Variants in SPAG1 observed in about 807,000 individuals in gnomAD.
SPAG1 encodes the protein sperm associated antigen 1.
Under a neutral mutation model 100.5 loss-of-function variants are expected in SPAG1, and 69 were observed. That is an observed-to-expected ratio of 0.69 (90% CI 0.57 to 0.84). The LOEUF (loss-of-function observed/expected upper bound fraction) is 0.84, where lower values mean the gene tolerates loss of function less well. Ranked by LOEUF, SPAG1 falls within the 40% of genes least tolerant of loss-of-function variation. The probability of loss-of-function intolerance (pLI) is 0.00; values close to 1 mark genes in which losing one functional copy is unlikely to be tolerated. For synonymous variants in SPAG1, 336 were observed against 411.6 expected, an observed-to-expected ratio of 0.82 and a Z score of 2.22; for missense variants, 955 against 1,133.1, an observed-to-expected ratio of 0.84 and a Z score of 2.26.
chr8:100,180,227 A>G (rs1816308857), intron 4 of SPAG1, among the ~76,000 whole-genome samples: 1 of 152,032 alleles, frequency 6.6e-6, no homozygotes, highest in Non-Finnish European at 1.5e-5. Context: ...AGTTCTATCT[A>G]TTCAGGAGAC....
At chr8:100,173,258 C>G (rs1470131142) in intron 3 of SPAG1, among the ~76,000 whole-genome samples, 2 of 151,946 alleles carry the variant, frequency 1.3e-5, no homozygotes, top group African/African-American at 2.4e-5. Flanking sequence ...GTCTAGAACT[C>G]TTGTTGGCCA....
chr8:100,204,421 G>T (rs1184164771), intron 10 of SPAG1, among the ~76,000 whole-genome samples: 1 of 152,116 alleles, frequency 6.6e-6, no homozygotes, highest in Admixed American at 6.5e-5. Flanking sequence ...TGGGATAATG[G>T]TGGAAAGAAC....
chr8:100,224,247 A>T (rs1399939403), intron 13 of SPAG1, among the ~76,000 whole-genome samples: 1 of 152,152 alleles, frequency 6.6e-6, no homozygotes, highest in Non-Finnish European at 1.5e-5. Context: ...ATCTTTATTC[A>T]TATGAAAAGA....
chr8:100,159,820 A>T (rs1480649712), intron 1 of SPAG1, among the ~76,000 whole-genome samples: 2 of 152,232 alleles, frequency 1.3e-5, no homozygotes, highest in Admixed American at 1.3e-4. Context: ...TCACTGGTAC[A>T]GTGGTTAAGT....
chr8:100,165,603 G>A, intron 2 of SPAG1: 2 of 485,192 alleles, frequency 4.1e-6, no homozygotes, highest in South Asian at 3.1e-5. Context: ...ATGAAAATTG[G>A]TTACTTTGGA....
At chr8:100,218,721 T>C (rs543382917) in intron 12 of SPAG1, among the ~76,000 whole-genome samples, 3 of 152,350 alleles carry the variant, frequency 2.0e-5, no homozygotes, top group Admixed American at 6.5e-5. Flanking sequence ...AAATTGGTTA[T>C]TTTTTCAGAG....
Position 100,213,181 on chromosome 8 carries a change from C to A in SPAG1, c.1188C>A (p.Gly396=). The A allele has an allele frequency of 1.4e-6, 2 of 1,469,956 alleles. No individual in the cohort carries two copies. Among genetic ancestry groups the A allele is most frequent in the Non-Finnish European group, 1.8e-6 (2 of 1,116,464 alleles). The allele number at this position is 1,469,956 out of a possible 1,614,324, so 91.1% of individuals were successfully genotyped here. A position where few individuals can be genotyped will look rare whatever the true frequency, so the allele number is the denominator to read the frequency against. The change falls in exon 11 of 19, where the codon GGC becomes GGA. Residue 396 remains glycine, a synonymous_variant. Coordinates refer to ENST00000388798, the MANE Select transcript of SPAG1 (RefSeq NM_003114.5). ...AGCTGACTGGCAAAGCCGAAGGCGGCAAGCGGCCGGCAAGGGGCGCGCCGC... is the reference window on the plus strand; with the variant it reads ...AGCTGACTGGCAAAGCCGAAGGCGGAAAGCGGCCGGCAAGGGGCGCGCCGC... ...QKKLTGKAEG[G]KRPARGAPQR...
Position 100,213,380 on chromosome 8 carries a change from G to T in SPAG1, c.1387G>T (p.Glu463Ter). The T allele has an allele frequency of 6.9e-7, 1 of 1,450,540 alleles. No individual in the cohort carries two copies. The highest frequency in any genetic ancestry group is 3.0e-5 in the East Asian group (1 of 33,272). 89.9% of individuals were successfully genotyped at this position (1,450,540 alleles called of 1,614,324 possible). A position where few individuals can be genotyped will look rare whatever the true frequency, so the allele number is the denominator to read the frequency against. Residue 463 changes from glutamate to a stop codon, truncating the protein, a stop_gained, in exon 11 of 19, where the codon GAG (glutamate) becomes TAG (stop). Transcript: ENST00000388798. LOFTEE classifies it high-confidence loss of function. ...NELFRSGQFAEAAGKYSAAIA... is the reference protein window; with the variant it reads ...NELFRSGQFA The stretch of plus-strand genomic sequence containing the variant: ...GCTGTTCCGAAGCGGGCAGTTCGCC[G>T]AGGCGGCCGGCAAGTACTCGGCGGC...
intron 8 of SPAG1, among the ~76,000 whole-genome samples, chr8:100,189,852 C>T (rs1371462443): frequency 6.6e-6 from 1 of 152,074 alleles, no homozygotes; most frequent in Non-Finnish European, 1.5e-5. Flanking sequence ...GTAGCAATAG[C>T]AATAGCTAAA....
chr8:100,225,119 G>A lies in SPAG1; in HGVS notation c.1689-54G>A, dbSNP rs986655209. Reference sequence around the variant, plus strand: ...AATTTTATTCTTAATCTGACCTTCAGTAATATAAAAAGCAAACTAAATGAT... The same window carrying A: ...AATTTTATTCTTAATCTGACCTTCAATAATATAAAAAGCAAACTAAATGAT... On this transcript the variant is annotated intron_variant, in intron 13 of 18. Coordinates refer to ENST00000388798, the MANE Select transcript of SPAG1 (RefSeq NM_003114.5). 2.2e-5 allele frequency: 32 copies of A among 1,450,654 alleles called. No homozygotes were observed. The Admixed American group carries it at 5.7e-4, about 26-fold the overall frequency. The allele number at this position is 1,450,654 out of a possible 1,614,324, so 89.9% of individuals were successfully genotyped here.
rs760621127 is a variant in SPAG1, at chr8:100,234,561, T to A, written c.2115+1024T>A. 3.9e-5 allele frequency among the ~76,000 whole-genome samples: 6 copies of A among 152,290 alleles called. No individual in the cohort carries two copies. The South Asian group carries it at 1.2e-3, about 32-fold the overall frequency. Reference sequence around the variant, plus strand: ...TTCTTTCAGCATAACCTGAGATTTGTTTATATTGTGTGGGTATCAGGAACT... The same window carrying A: ...TTCTTTCAGCATAACCTGAGATTTGATTATATTGTGTGGGTATCAGGAACT... On this transcript the variant is annotated intron_variant, in intron 16 of 18. Coordinates refer to ENST00000388798, the MANE Select transcript of SPAG1 (RefSeq NM_003114.5).
chr8:100,225,125 T>A (rs758088874), intron 13 of SPAG1, 48 bp from the exon 14 acceptor site: 4 of 1,520,304 alleles, frequency 2.6e-6, no homozygotes, highest in Non-Finnish European at 3.6e-6. Context: ...TTCAGTAATA[T>A]AAAAAGCAAA....
At chr8:100,191,784 G>A (rs1227584698) in intron 9 of SPAG1, among the ~76,000 whole-genome samples, 7 of 152,024 alleles carry the variant, frequency 4.6e-5, no homozygotes, top group African/African-American at 1.4e-4. Flanking sequence ...CATGTGGAGT[G>A]GTATAGAAGG....
intron 2 of SPAG1, chr8:100,165,144 C>A: frequency 2.5e-6 from 1 of 397,030 alleles, no homozygotes. Flanking sequence ...GTGTTAAATG[C>A]CTGATTTCAA....
At chr8:100,208,229 C>T (rs1397430641) in intron 10 of SPAG1, among the ~76,000 whole-genome samples, 3 of 152,190 alleles carry the variant, frequency 2.0e-5, no homozygotes, top group African/African-American at 7.2e-5. Flanking sequence ...GCTCCTCCTA[C>T]CTTTAAGTCA....
At position 100,241,254 on chromosome 8, in the gene SPAG1, T is replaced by C. The variant is rs191614875; in HGVS notation, c.*232T>C. ...ACCAAATAAGTATATTTAGAACTTG[T>C]TAAAAATACATTTTAATTTATGATA... On this transcript the variant is annotated 3_prime_UTR_variant, in exon 19 of 19. Coordinates refer to ENST00000388798, the MANE Select transcript of SPAG1 (RefSeq NM_003114.5). This position sits in a 1 kb window ranked among gnomAD's most constrained non-coding sequence, Gnocchi z 5.1. 2.1e-4 allele frequency: 65 copies of C among 311,340 alleles called. No homozygotes were observed. The East Asian group carries it at 3.1e-3, about 15-fold the overall frequency. 19.3% of individuals were successfully genotyped at this position (311,340 alleles called of 1,614,324 possible). A position where few individuals can be genotyped will look rare whatever the true frequency, so the allele number is the denominator to read the frequency against.
chr8:100,208,497 G>A (rs1310350074), intron 10 of SPAG1, among the ~76,000 whole-genome samples: 1 of 152,168 alleles, frequency 6.6e-6, no homozygotes, highest in Non-Finnish European at 1.5e-5. Context: ...AAAAAACCAC[G>A]ACCTGCCGAG....
At chr8:100,232,956 T>C (rs1818844516) in intron 15 of SPAG1, among the ~76,000 whole-genome samples, 1 of 152,230 alleles carries the variant, frequency 6.6e-6, no homozygotes, top group African/African-American at 2.4e-5. Flanking sequence ...GCTGTGTCCT[T>C]GGCCTCCACT....
At position 100,231,290 on chromosome 8, in the gene SPAG1, C is replaced by G; in HGVS notation, c.1988+2C>G. ...GGAATGTGCCATATATACAAACAGG[C>G]AAGTTCTTTGTAACTTTATATATTT... On this transcript the variant is annotated splice_donor_variant, in intron 15 of 18. Transcript: ENST00000388798. LOFTEE classifies it high-confidence loss of function. The G allele has an allele frequency of 6.6e-7, 1 of 1,523,684 alleles. No homozygotes were observed. The highest frequency in any genetic ancestry group is 8.9e-7 in the Non-Finnish European group (1 of 1,128,472). The allele number at this position is 1,523,684 out of a possible 1,614,324, so 94.4% of individuals were successfully genotyped here.
Sources: allele counts gnomAD v4.1 joint callset (sites outside exome capture counted in the v4.1 genomes callset), GRCh38; gene constraint gnomAD v4.1.1; non-coding constraint Gnocchi (gnomAD v3.1); transcripts MANE v1.5; gene names NCBI Gene and HGNC (gene_info 2026-07-23, HGNC 2026-07-21).